KCNT2: variants seen among roughly 807,000 people sequenced by gnomAD.
KCNT2 encodes potassium channel subfamily T member 2.
KCNT2 carries 67 observed loss-of-function variants against 153.8 expected under a neutral mutation model. The observed-to-expected ratio is 0.44, with a 90% CI of 0.36 to 0.53. KCNT2 has a LOEUF of 0.53. Among genes scored for constraint, KCNT2 ranks in the 20% least tolerant of loss-of-function variants. The pLI, the probability that KCNT2 is intolerant of heterozygous loss-of-function variation, is 0.00. For synonymous variants in KCNT2, 500 were observed against 458.8 expected, an observed-to-expected ratio of 1.09 and a Z score of -1.15; for missense variants, 975 against 1,354.8, an observed-to-expected ratio of 0.72 and a Z score of 4.40.
Position 196,228,258 on chromosome 1 carries a change from G to C in KCNT2, c.3374C>G (p.Thr1125Ser). The change falls in exon 28 of 28, where the codon ACT becomes AGT. Residue 1125 changes from threonine (T) to serine (S), a missense_variant. Physicochemically the swap from Thr to Ser is moderately conservative, Grantham distance 58 (BLOSUM62 1). Transcript: ENST00000294725. ...AGTTTCCTCCCGAGAATCTTGACCA[G>C]TGACATTGCAGATGCTGTTTCTTCG... ...PSRRNSICNV[T>S]GQDSREETQL 3.1e-6 allele frequency: 5 copies of C among 1,610,742 alleles called. No individual in the cohort carries two copies. Among genetic ancestry groups the C allele is most frequent in the Non-Finnish European group, 4.2e-6 (5 of 1,177,632 alleles).
intron 1 of KCNT2, among the ~76,000 whole-genome samples, chr1:196,493,435 A>G (rs1033031757): frequency 6.6e-6 from 1 of 152,090 alleles, no homozygotes; most frequent in African/African-American, 2.4e-5. Context: ...CTGCTCATGC[A>G]TTTGAGAAAT....
chr1:196,242,922 G>T (rs1406710514), intron 26 of KCNT2, among the ~76,000 whole-genome samples: 1 of 151,994 alleles, frequency 6.6e-6, no homozygotes, highest in Non-Finnish European at 1.5e-5. Context: ...TAGGTACGTT[G>T]GGTAAAAACA....
intron 1 of KCNT2, among the ~76,000 whole-genome samples, chr1:196,545,690 A>C (rs1280016201): frequency 6.6e-6 from 1 of 151,946 alleles, no homozygotes; most frequent in Non-Finnish European, 1.5e-5. Context: ...GAAATGGTGC[A>C]CCCATTTGCC....
chr1:196,559,572 C>A (rs1165823185), intron 1 of KCNT2, among the ~76,000 whole-genome samples: 1 of 151,634 alleles, frequency 6.6e-6, no homozygotes. Context: ...ACAAATTTAC[C>A]TTCCCATTAG....
intron 26 of KCNT2, among the ~76,000 whole-genome samples, chr1:196,247,941 T>C (rs555069166): frequency 1.3e-5 from 2 of 152,132 alleles, no homozygotes; most frequent in African/African-American, 4.8e-5. Flanking sequence ...AATGGTACTA[T>C]AGCAAGTATA....
At chr1:196,583,835 G>C (rs960075181) in intron 1 of KCNT2, among the ~76,000 whole-genome samples, 2 of 151,964 alleles carry the variant, frequency 1.3e-5, no homozygotes, top group Non-Finnish European at 2.9e-5. Flanking sequence ...ATAAGAGCCA[G>C]GAAAGAAAAG....
intron 8 of KCNT2, among the ~76,000 whole-genome samples, chr1:196,444,112 ATG>A (rs896500348): frequency 1.3e-5 from 2 of 150,480 alleles, no homozygotes; most frequent in Admixed American, 6.7e-5. Flanking sequence ...GAGAGAGAGT[ATG>A]TGTGTGTGTG....
At chr1:196,558,734 T>C (rs114171193) in intron 1 of KCNT2, among the ~76,000 whole-genome samples, 8,712 of 151,572 alleles carry the variant, frequency 0.057, 386 homozygotes, top group Non-Finnish European at 0.085. Flanking sequence ...TTTTATAAAG[T>C]TGACACATCT....
intron 19 of KCNT2, among the ~76,000 whole-genome samples, chr1:196,324,088 C>T (rs1274927900): frequency 6.6e-6 from 1 of 151,734 alleles, no homozygotes; most frequent in Non-Finnish European, 1.5e-5. Context: ...ACAATACTTT[C>T]GGGAAGTACA....
chr1:196,338,896 T>C (rs1488375543), intron 16 of KCNT2, among the ~76,000 whole-genome samples: 8 of 128,284 alleles, frequency 6.2e-5, no homozygotes, highest in African/African-American at 2.5e-4. Flanking sequence ...TGGTGAAAAG[T>C]CAGAATGGTG....
intron 1 of KCNT2, among the ~76,000 whole-genome samples, chr1:196,566,595 G>A (rs758219201): frequency 6.5e-4 from 99 of 151,942 alleles, no homozygotes; most frequent in Non-Finnish European, 1.2e-3. Flanking sequence ...GTGGGAGAGA[G>A]AATGGACAAA....
At chr1:196,412,991 G>A (rs1328578305) in intron 12 of KCNT2, among the ~76,000 whole-genome samples, 3 of 151,628 alleles carry the variant, frequency 2.0e-5, no homozygotes, top group Non-Finnish European at 4.4e-5. Flanking sequence ...TTTTCTTACA[G>A]TGCCAGGATA....
At chr1:196,549,525 C>T (rs970027768) in intron 1 of KCNT2, among the ~76,000 whole-genome samples, 1 of 151,832 alleles carries the variant, frequency 6.6e-6, no homozygotes, top group African/African-American at 2.4e-5. Context: ...CTCTGGTCGG[C>T]TTGTGACTTA....
intron 1 of KCNT2, among the ~76,000 whole-genome samples, chr1:196,550,816 A>C (rs1657795464): frequency 6.6e-6 from 1 of 151,774 alleles, no homozygotes; most frequent in African/African-American, 2.4e-5. Flanking sequence ...GAAGGGTAAA[A>C]AATGATACCA....
intron 19 of KCNT2, among the ~76,000 whole-genome samples, chr1:196,325,203 A>G (rs1663720678): frequency 6.6e-6 from 1 of 152,128 alleles, no homozygotes; most frequent in Non-Finnish European, 1.5e-5. Flanking sequence ...GAAGAGGAGG[A>G]AAGTACAGTT....
intron 3 of KCNT2, among the ~76,000 whole-genome samples, chr1:196,486,711 TAA>T (rs34752996): frequency 7.9e-5 from 12 of 151,372 alleles, no homozygotes; most frequent in Non-Finnish European, 1.2e-4. Context: ...CTGGTAGCTC[TAA>T]AAAAAAACCC....
intron 12 of KCNT2, among the ~76,000 whole-genome samples, chr1:196,411,777 T>C (rs145688309): frequency 6.6e-6 from 1 of 151,910 alleles, no homozygotes; most frequent in Admixed American, 6.6e-5. Flanking sequence ...CATAAAATAG[T>C]TCTCCCTTAT....
intron 13 of KCNT2, among the ~76,000 whole-genome samples, chr1:196,390,269 C>T (rs1224356706): frequency 1.3e-5 from 2 of 151,504 alleles, no homozygotes; most frequent in Non-Finnish European, 3.0e-5. Flanking sequence ...GTGTCAAGCA[C>T]TGTGCAATCA....
intron 4 of KCNT2, among the ~76,000 whole-genome samples, chr1:196,480,226 A>G (rs562195255): frequency 1.3e-5 from 2 of 152,318 alleles, no homozygotes; most frequent in African/African-American, 4.8e-5. Context: ...GTAAATATAT[A>G]TGTTTATAGA....
Sources: gnomAD v4.1 joint callset for allele counts (sites outside exome capture counted in the v4.1 genomes callset) on GRCh38, gnomAD v4.1.1 for gene constraint, MANE v1.5 for transcripts, NCBI Gene and HGNC (gene_info 2026-07-23, HGNC 2026-07-21) for gene names.